WDR70: variants seen among roughly 807,000 people sequenced by gnomAD.
WDR70 encodes the protein WD repeat-containing protein 70.
A neutral mutation model predicts 88.6 loss-of-function variants in WDR70; 53 were observed. The ratio of observed to expected loss-of-function variants is 0.60; its 90% CI spans 0.48 to 0.75. The LOEUF is 0.75. WDR70 is among the 30% of genes least tolerant of loss of function. The pLI is 0.00. For synonymous variants in WDR70, 280 were observed against 270.0 expected, an observed-to-expected ratio of 1.04 and a Z score of -0.36; for missense variants, 610 against 823.2, an observed-to-expected ratio of 0.74 and a Z score of 3.17.
chr5:37,635,575 A>T (rs1744938957), intron 10 of WDR70, among the ~76,000 whole-genome samples: 1 of 152,188 alleles, frequency 6.6e-6, no homozygotes, highest in Admixed American at 6.5e-5. Flanking sequence ...TTAAAAATAG[A>T]TAAATATTTG....
intron 9 of WDR70, among the ~76,000 whole-genome samples, chr5:37,595,112 C>T (rs1380289262): frequency 2.6e-5 from 4 of 152,156 alleles, no homozygotes; most frequent in Non-Finnish European, 4.4e-5. Context: ...TTCCTCTTTT[C>T]CTAACTGAAT....
chr5:37,571,149 A>G (rs573954915), intron 9 of WDR70, among the ~76,000 whole-genome samples: 7 of 152,320 alleles, frequency 4.6e-5, no homozygotes, highest in South Asian at 4.1e-4. Flanking sequence ...CCTTAGGCAA[A>G]AAGCAGCGTT....
At chr5:37,732,326 A>T (rs1008865324) in intron 17 of WDR70, among the ~76,000 whole-genome samples, 1 of 152,148 alleles carries the variant, frequency 6.6e-6, no homozygotes, top group African/African-American at 2.4e-5. Context: ...ATTGGGCCAG[A>T]TCCATCCAGA....
At chr5:37,446,956 A>G (rs552872527) in intron 7 of WDR70, among the ~76,000 whole-genome samples, 5 of 152,334 alleles carry the variant, frequency 3.3e-5, no homozygotes, top group African/African-American at 1.2e-4. Flanking sequence ...TAATTAAACT[A>G]AAGAGCTTCT....
At chr5:37,752,134 G>T (rs1369714459) in intron 17 of WDR70, among the ~76,000 whole-genome samples, 1 of 152,156 alleles carries the variant, frequency 6.6e-6, no homozygotes, top group Non-Finnish European at 1.5e-5. Context: ...CTTGGTGACT[G>T]TAGTTCGTTC....
intron 10 of WDR70, among the ~76,000 whole-genome samples, chr5:37,664,373 T>G (rs188443242): frequency 1.2e-4 from 19 of 152,342 alleles, no homozygotes; most frequent in African/African-American, 4.6e-4. Flanking sequence ...CCTGGTCTGT[T>G]ATTGAGTCCT....
At chr5:37,739,783 A>G (rs899459196) in intron 17 of WDR70, among the ~76,000 whole-genome samples, 1 of 151,960 alleles carries the variant, frequency 6.6e-6, no homozygotes, top group Non-Finnish European at 1.5e-5. Context: ...TCCTAATGCT[A>G]TCCCTCCCCC....
intron 5 of WDR70, among the ~76,000 whole-genome samples, chr5:37,428,211 T>TA (rs1477477622): frequency 2.0e-5 from 3 of 152,082 alleles, no homozygotes; most frequent in Non-Finnish European, 4.4e-5. Context: ...GTTTTTTCAT[T>TA]AAAAAAATAA....
At chr5:37,671,492 G>T (rs1489295712) in intron 10 of WDR70, among the ~76,000 whole-genome samples, 1 of 152,066 alleles carries the variant, frequency 6.6e-6, no homozygotes, top group African/African-American at 2.4e-5. Context: ...TAGCAGCTTG[G>T]CCAGGATCAA....
chr5:37,723,346 AG>A, intron 15 of WDR70: 1 of 187,166 alleles, frequency 5.3e-6, no homozygotes, highest in East Asian at 1.3e-4. Context: ...TGGCGACCAG[AG>A]GAAGGGTCTC....
intron 10 of WDR70, among the ~76,000 whole-genome samples, chr5:37,671,081 A>G (rs1746011376): frequency 6.6e-6 from 1 of 152,210 alleles, no homozygotes; most frequent in African/African-American, 2.4e-5. Context: ...TATAGTAAGT[A>G]ACCCTAACAT....
At chr5:37,705,740 C>A (rs753939954) in intron 13 of WDR70, among the ~76,000 whole-genome samples, 1 of 152,138 alleles carries the variant, frequency 6.6e-6, no homozygotes, top group Admixed American at 6.5e-5. Flanking sequence ...GGAAATACCA[C>A]ACTCCAAGGT....
chr5:37,629,925 A>G (rs948133616), intron 10 of WDR70, among the ~76,000 whole-genome samples: 1 of 152,274 alleles, frequency 6.6e-6, no homozygotes, highest in Admixed American at 6.5e-5. Flanking sequence ...TGTCACAAGG[A>G]AAGACTTACT....
chr5:37,514,336 C>CTAAATATATATATATATATATATA (rs1385732925), intron 8 of WDR70, among the ~76,000 whole-genome samples: 1 of 10,942 alleles, frequency 9.1e-5, no homozygotes, highest in Non-Finnish European at 1.0e-3. Flanking sequence ...ATATTTAGAA[C>CTAAATATATATATATATATATATA]TACATATATA....
Position 37,730,216 on chromosome 5 carries a change from C to T in WDR70, c.1877+3171C>T, listed in dbSNP as rs1748104810. 2.0e-5 allele frequency among the ~76,000 whole-genome samples: 3 copies of T among 152,052 alleles called. No individual in the cohort carries two copies. In the South Asian group the frequency reaches 6.2e-4, roughly 32 times the overall value. On this transcript the variant is annotated intron_variant, in intron 17 of 17. Coordinates refer to ENST00000265107, the MANE Select transcript of WDR70 (RefSeq NM_018034.4). Reference sequence around the variant, plus strand: ...GATTATCCACAAAGTAGTTGGTTATCTAAATGTTTCTTCATTAACATTTTA... The same window carrying T: ...GATTATCCACAAAGTAGTTGGTTATTTAAATGTTTCTTCATTAACATTTTA...
chr5:37,483,937 C>T (rs1418267371), intron 8 of WDR70, among the ~76,000 whole-genome samples: 6 of 148,344 alleles, frequency 4.0e-5, no homozygotes, highest in Admixed American at 1.3e-4. Flanking sequence ...CGGGCAGAGG[C>T]GCTCCTCACA....
chr5:37,385,518 CAA>C (rs1160087859), intron 3 of WDR70, among the ~76,000 whole-genome samples: 126 of 67,852 alleles, frequency 1.9e-3, no homozygotes, highest in East Asian at 5.7e-3. Context: ...GAGCCTGTCT[CAA>C]AAAAAAAAAA....
At chr5:37,654,390 G>A (rs1480002929) in intron 10 of WDR70, among the ~76,000 whole-genome samples, 4 of 152,174 alleles carry the variant, frequency 2.6e-5, no homozygotes, top group African/African-American at 9.7e-5. Context: ...GAATAAGTGC[G>A]ATGGGGTGCT....
chr5:37,639,537 G>T (rs1306372354), intron 10 of WDR70, among the ~76,000 whole-genome samples: 1 of 152,108 alleles, frequency 6.6e-6, no homozygotes, highest in African/African-American at 2.4e-5. Context: ...TGTTGTTGTT[G>T]TTGTTGTTTT....
Sources: gnomAD v4.1 joint callset for allele counts (sites outside exome capture counted in the v4.1 genomes callset) on GRCh38, gnomAD v4.1.1 for gene constraint, MANE v1.5 for transcripts, NCBI Gene and HGNC (gene_info 2026-07-23, HGNC 2026-07-21) for gene names.